FGF14: variants seen among roughly 807,000 people sequenced by gnomAD.
FGF14 encodes the protein fibroblast growth factor 14, also known as fibroblast growth factor homologous factor 4.
FGF14 carries 5 observed loss-of-function variants against 25.5 expected under a neutral mutation model. The observed-to-expected ratio is 0.20, with a 90% confidence interval of 0.10 to 0.41. FGF14 has a LOEUF of 0.41. Ranked by LOEUF, FGF14 falls within the 10% of genes least tolerant of loss-of-function variation. The pLI is 1.00. For synonymous variants in FGF14, 138 were observed against 118.3 expected, an observed-to-expected ratio of 1.17 and a Z score of -1.08; for missense variants, 222 against 320.1, an observed-to-expected ratio of 0.69 and a Z score of 2.34.
At chr13:101,777,496 A>G (rs80066496) in intron 3 of FGF14, among the ~76,000 whole-genome samples, 3,452 of 152,178 alleles carry the variant, frequency 0.023, 60 homozygotes, top group Non-Finnish European at 0.033. Flanking sequence ...TTTAACTGAC[A>G]CTGTTTGCCT....
chr13:102,219,929 A>G (rs1373029113), intron 1 of FGF14, among the ~76,000 whole-genome samples: 3 of 152,190 alleles, frequency 2.0e-5, no homozygotes, highest in Admixed American at 6.5e-5. Flanking sequence ...GGAAGACTAC[A>G]TTTGTATAAG....
At chr13:101,868,678 T>C in intron 3 of FGF14, 47 bp downstream of exon 3, 1 of 1,140,076 alleles carries the variant, frequency 8.8e-7, no homozygotes, top group Non-Finnish European at 1.3e-6. Flanking sequence ...CCATTGTTAT[T>C]TTACATGCAT....
chr13:102,071,404 T>G (rs1595174439), intron 1 of FGF14, among the ~76,000 whole-genome samples: 1 of 152,212 alleles, frequency 6.6e-6, no homozygotes, highest in Non-Finnish European at 1.5e-5. Flanking sequence ...TGGAGGATAC[T>G]CAATTTTAGA....
Position 101,722,903 on chromosome 13 carries a change from C to T in FGF14, c.672G>A (p.Thr224=), listed in dbSNP as rs1444801223. 6.8e-6 allele frequency: 11 copies of T among 1,613,154 alleles called. No individual in the cohort carries two copies. The highest frequency in any genetic ancestry group is 4.5e-5 in the East Asian group (2 of 44,862). ...CAGACGCACTTGTGCTTTTACTTGGCGTCACCCCAGGCTTCGGGACCGTTT... is the reference window on the plus strand; with the variant it reads ...CAGACGCACTTGTGCTTTTACTTGGTGTCACCCCAGGCTTCGGGACCGTTT... ...VGETVPKPGV[T]PSKSTSASAI... is the part of the protein sequence containing the mutation. The change falls in exon 5 of 5, where the codon ACG becomes ACA. Residue 224 remains threonine (T), a synonymous_variant. Transcript: ENST00000376143.
chr13:101,837,406 TC>T (rs1282758750), intron 3 of FGF14, among the ~76,000 whole-genome samples: 2 of 152,102 alleles, frequency 1.3e-5, no homozygotes, highest in Non-Finnish European at 2.9e-5. Flanking sequence ...AGTCTCAGAC[TC>T]TTGAAAAGAT....
At chr13:102,074,763 G>A (rs2043292508) in intron 1 of FGF14, among the ~76,000 whole-genome samples, 1 of 152,130 alleles carries the variant, frequency 6.6e-6, no homozygotes, top group Admixed American at 6.5e-5. Context: ...TTATCCTAGG[G>A]ATGTGAACAT....
At chr13:101,916,347 C>T in intron 1 of FGF14, 106 bp downstream of exon 1, 2 of 1,380,546 alleles carry the variant, frequency 1.4e-6, no homozygotes, top group Non-Finnish European at 2.0e-6. Flanking sequence ...AGGCCGGGGC[C>T]GGGGTGGGCC....
chr13:101,987,012 A>C (rs2038622440), intron 1 of FGF14, among the ~76,000 whole-genome samples: 1 of 151,582 alleles, frequency 6.6e-6, no homozygotes, highest in Non-Finnish European at 1.5e-5. Context: ...AATATAACTT[A>C]ATTTCTTCCT....
rs1398020213 is a variant in FGF14 at position 101,916,500 on chromosome 13, G to A, written c.146C>T (p.Ser49Phe). 1 of 1,613,840 alleles carries A rather than the reference G, an allele frequency of 6.2e-7. No homozygotes were observed. Among genetic ancestry groups the A allele is most frequent in the Non-Finnish European group, 8.5e-7 (1 of 1,179,952 alleles). ...CTTGAGGCCGAAGATGCGCACTTTGGAGAAGATATCCACCAGGTTGCCGTT... is the reference window on the plus strand; with the variant it reads ...CTTGAGGCCGAAGATGCGCACTTTGAAGAAGATATCCACCAGGTTGCCGTT... The part of the protein sequence containing the change: ...LCNGNLVDIF[S>F]KVRIFGLKKR... Residue 49 changes from serine (S) to phenylalanine (F), a missense_variant, in exon 1 of 5, where the codon TCC becomes TTC. This residue lies in a region of FGF14 where 80 missense variants were observed against 72.2 expected (regional missense o/e 1.11). Transcript: ENST00000376143.
At chr13:102,310,620 C>A (rs1004430314) in intron 1 of FGF14, among the ~76,000 whole-genome samples, 7 of 137,204 alleles carry the variant, frequency 5.1e-5, no homozygotes, top group Non-Finnish European at 1.1e-4. Context: ...AGGAATAAAA[C>A]CTTCTTTCCT....
At chr13:102,217,077 A>C (rs1477354083) in intron 1 of FGF14, among the ~76,000 whole-genome samples, 1 of 152,172 alleles carries the variant, frequency 6.6e-6, no homozygotes, top group African/African-American at 2.4e-5. Context: ...GGTTGGTTCT[A>C]TATCTTGGCT....
At chr13:102,396,981 A>C (rs372452202) in intron 1 of FGF14, among the ~76,000 whole-genome samples, 2 of 152,196 alleles carry the variant, frequency 1.3e-5, no homozygotes, top group Non-Finnish European at 2.9e-5. Flanking sequence ...ATGTTAGAAG[A>C]AGCAGCTTAC....
chr13:101,830,186 C>T (rs192401363), intron 3 of FGF14, among the ~76,000 whole-genome samples: 2 of 152,260 alleles, frequency 1.3e-5, no homozygotes. Flanking sequence ...ATACTTGTAG[C>T]TCTAGAGAAG....
At chr13:102,008,597 T>C (rs779589727) in intron 1 of FGF14, among the ~76,000 whole-genome samples, 3 of 152,196 alleles carry the variant, frequency 2.0e-5, no homozygotes, top group Non-Finnish European at 2.9e-5. Context: ...ATTTGGATAA[T>C]TGACAGCCTT....
intron 1 of FGF14, among the ~76,000 whole-genome samples, chr13:102,216,694 C>T (rs1026363269): frequency 4.6e-5 from 7 of 152,126 alleles, no homozygotes; most frequent in Non-Finnish European, 1.0e-4. Flanking sequence ...TATTTTCAAA[C>T]ATACAACATA....
intron 1 of FGF14, among the ~76,000 whole-genome samples, chr13:102,333,056 C>A (rs2056681340): frequency 6.6e-6 from 1 of 152,112 alleles, no homozygotes; most frequent in East Asian, 1.9e-4. Flanking sequence ...ATTACAAATT[C>A]TATGTGTTAA....
chr13:101,899,901 T>C (rs1211854643), intron 1 of FGF14, among the ~76,000 whole-genome samples: 2 of 152,092 alleles, frequency 1.3e-5, no homozygotes, highest in Non-Finnish European at 2.9e-5. Flanking sequence ...ACAAAATCAG[T>C]AGACTTAATG....
intron 1 of FGF14, among the ~76,000 whole-genome samples, chr13:101,934,873 A>G (rs1445885962): frequency 6.6e-6 from 1 of 152,100 alleles, no homozygotes; most frequent in Admixed American, 6.6e-5. Context: ...ACTCAATTCT[A>G]TTTTTTTAAT....
At chr13:102,129,102 T>A (rs1594070771) in intron 1 of FGF14, among the ~76,000 whole-genome samples, 1 of 151,828 alleles carries the variant, frequency 6.6e-6, no homozygotes, top group East Asian at 1.9e-4. Context: ...ATACAAAACT[T>A]AGCCGGGTGT....
Sources: allele counts gnomAD v4.1 joint callset (sites outside exome capture counted in the v4.1 genomes callset), GRCh38; gene constraint gnomAD v4.1.1; regional missense constraint gnomAD v4.1.1; transcripts MANE v1.5; gene names NCBI Gene and HGNC (gene_info 2026-07-23, HGNC 2026-07-21).